The following EYA2 variants were observed in gnomAD, a reference collection of about 807,000 sequenced individuals.
EYA2 encodes EYA transcriptional coactivator and phosphatase 2.
EYA2 carries 31 observed loss-of-function variants against 69.2 expected under a neutral mutation model. The observed-to-expected ratio is 0.45, with a 90% CI of 0.34 to 0.60. The LOEUF is 0.60. Ranked by LOEUF, EYA2 falls within the 20% of genes least tolerant of loss-of-function variation. EYA2 has a pLI of 0.02. For missense variants in EYA2, 622 were observed against 701.2 expected (o/e 0.89, Z 1.28); for synonymous variants, 257 against 279.4 (o/e 0.92, Z 0.80).
chr20:47,183,592 C>T (rs2034579487), intron 15 of EYA2, among the ~76,000 whole-genome samples: 1 of 152,164 alleles, frequency 6.6e-6, no homozygotes, highest in African/African-American at 2.4e-5. Flanking sequence ...CCCTCTCTGC[C>T]TCTGGCTGCT....
intron 4 of EYA2, among the ~76,000 whole-genome samples, chr20:47,009,221 TC>T (rs1160019157): frequency 6.6e-6 from 1 of 152,092 alleles, no homozygotes; most frequent in Non-Finnish European, 1.5e-5. Flanking sequence ...ACACAGAATG[TC>T]CATGTCACTG....
chr20:46,941,139 C>T (rs1201829542), intron 1 of EYA2, among the ~76,000 whole-genome samples: 1 of 152,194 alleles, frequency 6.6e-6, no homozygotes, highest in Admixed American at 6.5e-5. Flanking sequence ...TGGATGGTGC[C>T]ATGGGTAGGG....
At chr20:47,017,957 A>G (rs927038850) in intron 5 of EYA2, among the ~76,000 whole-genome samples, 1 of 152,108 alleles carries the variant, frequency 6.6e-6, no homozygotes, top group Non-Finnish European at 1.5e-5. Context: ...TAACCCCGGC[A>G]CTTTCCTGCC....
intron 5 of EYA2, among the ~76,000 whole-genome samples, chr20:47,049,587 GTGTGACACCCCCTGCTCCATGTTGTCA>G (rs869123123): frequency 3.6e-5 from 2 of 55,114 alleles, no homozygotes; most frequent in Non-Finnish European, 5.6e-5. Context: ...CTGTCTCGTC[GTGTGACACCCCCTGCTCCATGTTGTCA>G]TGTGACACAC....
chr20:47,156,125 CACATATATATATATAT>C (rs1234719761), intron 10 of EYA2, among the ~76,000 whole-genome samples: 28 of 22,126 alleles, frequency 1.3e-3, no homozygotes, highest in Admixed American at 3.7e-3. Flanking sequence ...CACACACACA[CACATATATATATATAT>C]ATATATATAT....
At chr20:47,008,438 T>C (rs1172987632) in intron 4 of EYA2, among the ~76,000 whole-genome samples, 1 of 152,230 alleles carries the variant, frequency 6.6e-6, no homozygotes, top group Non-Finnish European at 1.5e-5. Flanking sequence ...ATGACAGACC[T>C]TGGCCAACAG....
chr20:46,982,544 C>G (rs1201687), intron 1 of EYA2, among the ~76,000 whole-genome samples: 5,253 of 150,920 alleles, frequency 0.035, 291 homozygotes, highest in African/African-American at 0.12. Context: ...CTGACTTGCT[C>G]TCTCTCTCCT....
At chr20:47,182,482 AGCAGG>A (rs986328477) in intron 14 of EYA2, among the ~76,000 whole-genome samples, 3 of 151,384 alleles carry the variant, frequency 2.0e-5, no homozygotes, top group African/African-American at 7.3e-5. Context: ...TAAAAAAATT[AGCAGG>A]GCATGGTGGC....
At chr20:47,125,571 C>T (rs1355063405) in intron 9 of EYA2, among the ~76,000 whole-genome samples, 1 of 152,068 alleles carries the variant, frequency 6.6e-6, no homozygotes, top group Non-Finnish European at 1.5e-5. Flanking sequence ...AGTAATTAAA[C>T]CCAATTAAAA....
At chr20:46,987,994 ATATG>A (rs1181437768) in intron 1 of EYA2, among the ~76,000 whole-genome samples, 2 of 78,606 alleles carry the variant, frequency 2.5e-5, no homozygotes, top group African/African-American at 1.3e-4. Flanking sequence ...ATATATATAT[ATATG>A]GGGCAAAAAA....
At chr20:47,110,480 C>G (rs994728564) in intron 9 of EYA2, among the ~76,000 whole-genome samples, 4 of 152,030 alleles carry the variant, frequency 2.6e-5, no homozygotes, top group Admixed American at 1.3e-4. Flanking sequence ...GGCTTAAATC[C>G]CAAAGTGCTG....
chr20:47,152,545 C>T (rs745908343), intron 10 of EYA2, among the ~76,000 whole-genome samples: 19 of 151,880 alleles, frequency 1.3e-4, no homozygotes, highest in Non-Finnish European at 2.5e-4. Context: ...GGCATGGTGG[C>T]TCACGCCAGT....
chr20:47,041,494 A>G (rs1401214263), intron 5 of EYA2, among the ~76,000 whole-genome samples: 1 of 152,172 alleles, frequency 6.6e-6, no homozygotes, highest in Non-Finnish European at 1.5e-5. Context: ...GATGGTAAAA[A>G]CCTAACCCTA....
At chr20:47,009,208 C>T (rs1242754806) in intron 4 of EYA2, among the ~76,000 whole-genome samples, 2 of 152,176 alleles carry the variant, frequency 1.3e-5, no homozygotes, top group Admixed American at 1.3e-4. Flanking sequence ...CACACATACA[C>T]ACACACAGAA....
At chr20:47,118,000 A>G (rs2032950009) in intron 9 of EYA2, among the ~76,000 whole-genome samples, 1 of 152,244 alleles carries the variant, frequency 6.6e-6, no homozygotes, top group Non-Finnish European at 1.5e-5. Flanking sequence ...TTGGAAGTTT[A>G]AAGGCCTGGC....
At chr20:47,024,496 C>G (rs2145133) in intron 5 of EYA2, among the ~76,000 whole-genome samples, 122,751 of 152,204 alleles carry the variant, frequency 0.81, 52,346 homozygotes, top group Non-Finnish European at 0.96. Flanking sequence ...GGGTAGTTTC[C>G]TTACACCCAT....
At chr20:47,135,258 C>A (rs1361295745) in intron 9 of EYA2, among the ~76,000 whole-genome samples, 2 of 151,148 alleles carry the variant, frequency 1.3e-5, no homozygotes, top group African/African-American at 4.9e-5. Flanking sequence ...AGGATTATAA[C>A]CTGCACTTTT....
intron 9 of EYA2, among the ~76,000 whole-genome samples, chr20:47,121,034 T>C (rs1011187414): frequency 6.6e-6 from 1 of 152,160 alleles, no homozygotes; most frequent in Non-Finnish European, 1.5e-5. Context: ...CCCTTGCAGT[T>C]CTTTTTTGTT....
At chr20:47,004,917 T>C in intron 3 of EYA2, 25 bp from the exon 4 acceptor site, 1 of 1,613,988 alleles carries the variant, frequency 6.2e-7, no homozygotes, top group Non-Finnish European at 8.5e-7. Context: ...GGCCTGGAGA[T>C]TTAATCTTCC....
Sources: gnomAD v4.1 joint callset for allele counts (sites outside exome capture counted in the v4.1 genomes callset) on GRCh38, gnomAD v4.1.1 for gene constraint, MANE v1.5 for transcripts, NCBI Gene and HGNC (gene_info 2026-07-23, HGNC 2026-07-21) for gene names.